The following PHLPP2 variants were observed in gnomAD, a reference collection of about 807,000 sequenced individuals.
PHLPP2 encodes the protein PH domain leucine-rich repeat-containing protein phosphatase 2.
PHLPP2 carries 66 observed loss-of-function variants against 124.9 expected under a neutral mutation model. The observed-to-expected ratio is 0.53, with a 90% confidence interval of 0.43 to 0.65. The LOEUF is 0.65. Among genes scored for constraint, PHLPP2 ranks in the 30% least tolerant of loss-of-function variants. The pLI is 0.00. For missense variants in PHLPP2, 1,685 were observed against 1,600.4 expected (o/e 1.05, Z -0.90); for synonymous variants, 681 against 624.7 (o/e 1.09, Z -1.34).
At chr16:71,694,518 T>A (rs948864295) in intron 3 of PHLPP2, among the ~76,000 whole-genome samples, 28 of 152,176 alleles carry the variant, frequency 1.8e-4, no homozygotes, top group African/African-American at 6.7e-4. Context: ...AATTTTAAAC[T>A]TATGCACAAT....
chr16:71,705,418 T>C (rs2045266400), intron 2 of PHLPP2, among the ~76,000 whole-genome samples: 1 of 152,242 alleles, frequency 6.6e-6, no homozygotes, highest in African/African-American at 2.4e-5. Flanking sequence ...GCATCCTAAT[T>C]CTGACATATT....
Position 71,648,927 on chromosome 16 carries a change from C to T in PHLPP2, c.3935G>A (p.Arg1312Gln), listed in dbSNP as rs61733124. The change falls in exon 19 of 19, where the codon CGG becomes CAG. Residue 1312 changes from arginine (R) to glutamine (Q), a missense_variant. Arg to Gln is a conservative substitution (Grantham distance 43, BLOSUM62 1). Transcript: ENST00000568954. ...RLEPEPHEED[R>Q]TEPPEEFDTA... ...GTCGAACTCCTCCGGGGGCTCGGTCCGATCCTCTTCATGGGGCTCAGGCTC... is the reference window on the plus strand; with the variant it reads ...GTCGAACTCCTCCGGGGGCTCGGTCTGATCCTCTTCATGGGGCTCAGGCTC... The T allele has an allele frequency of 0.082, 132,019 of 1,612,676 alleles. 5,788 individuals are homozygous for T. The highest frequency in any genetic ancestry group is 0.1 in the African/African-American group (7,747 of 74,976).
intron 13 of PHLPP2, among the ~76,000 whole-genome samples, chr16:71,660,096 GA>G (rs909941059): frequency 6.6e-5 from 10 of 150,498 alleles, no homozygotes; most frequent in African/African-American, 2.0e-4. Flanking sequence ...AGACAAACAG[GA>G]AAAAAAATCT....
rs752442905 is a variant in PHLPP2 at position 71,656,728 on chromosome 16, A to G, written c.2280-47T>C. The stretch of plus-strand genomic sequence containing the variant: ...TAAACCATATATTCTTCTGTATTTT[A>G]CAAAAACTATCCCAACAATAGTATT... On this transcript the variant is annotated intron_variant, in intron 15 of 18. Transcript: ENST00000568954. 7 of 1,133,604 alleles carry G rather than the reference A, an allele frequency of 6.2e-6. No homozygotes were observed. In the South Asian group the frequency reaches 7.7e-5, roughly 12 times the overall value. 70.2% of individuals were successfully genotyped at this position (1,133,604 alleles called of 1,614,324 possible). A position where few individuals can be genotyped will look rare whatever the true frequency, so the allele number is the denominator to read the frequency against.
rs769133003 is a variant in PHLPP2 at position 71,667,226 on chromosome 16, T to C, written c.1736A>G (p.His579Arg). ...HIPLEVLDLQ[H>R]NALTRLPDTL... ...GTCTGGCAGCCTCGTGAGTGCATTA[T>C]GCTGAAGATCCAGCACCTCGAGGGG... Residue 579 changes from histidine to arginine, a missense_variant, in exon 12 of 19, where the codon CAT (histidine) becomes CGT (arginine). Transcript: ENST00000568954. The C allele has an allele frequency of 1.2e-5, 20 of 1,613,916 alleles. No homozygotes were observed. The highest frequency in any genetic ancestry group is 1.6e-4 in the Middle Eastern group (1 of 6,084).
Position 71,702,746 on chromosome 16 carries a change from C to A in PHLPP2, c.285-15G>T, listed in dbSNP as rs1438137796. On this transcript the variant is annotated splice_polypyrimidine_tract_variant and intron_variant, in intron 2 of 18. Transcript: ENST00000568954. ...GTTCCAGTCTCCTGATTACACAATT[C>A]AAAAAAATATATATATTTGGTAAGT... The A allele has an allele frequency of 3.3e-6, 5 of 1,533,494 alleles. No homozygotes were observed. The Admixed American group carries it at 5.9e-5, about 18-fold the overall frequency. The allele number at this position is 1,533,494 out of a possible 1,614,324, so 95.0% of individuals were successfully genotyped here.
Position 71,649,214 on chromosome 16 carries a change from G to T in PHLPP2, c.3648C>A (p.Leu1216=). ...RRQNSVNSGM[L]LPMSKDRMEL... is the part of the protein sequence containing the mutation. Reference sequence around the variant, plus strand: ...CCATCCTGTCCTTGCTCATTGGCAGGAGCATGCCACTATTCACACTGTTCT... The same window carrying T: ...CCATCCTGTCCTTGCTCATTGGCAGTAGCATGCCACTATTCACACTGTTCT... Residue 1216 remains leucine, a synonymous_variant, in exon 19 of 19, where the codon CTC becomes CTA. Coordinates refer to ENST00000568954, the MANE Select transcript of PHLPP2 (RefSeq NM_015020.3). 6.2e-7 allele frequency: 1 copy of T among 1,614,084 alleles called. No homozygotes were observed. Among genetic ancestry groups the T allele is most frequent in the South Asian group, 1.1e-5 (1 of 91,080 alleles).
intron 18 of PHLPP2, among the ~76,000 whole-genome samples, chr16:71,651,357 G>T (rs1402020910): frequency 1.3e-4 from 19 of 148,734 alleles, no homozygotes; most frequent in Admixed American, 1.3e-3. Context: ...AAAAAGAAAA[G>T]AAAAATCTAA....
chr16:71,702,514 C>A, intron 3 of PHLPP2, 84 bp downstream of exon 3: 3 of 1,149,606 alleles, frequency 2.6e-6, no homozygotes, highest in Non-Finnish European at 1.2e-6. Context: ...TGATAAAATA[C>A]CTTTAAAAAG....
At chr16:71,701,310 ATC>A (rs2045231214) in intron 3 of PHLPP2, among the ~76,000 whole-genome samples, 2 of 73,734 alleles carry the variant, frequency 2.7e-5, no homozygotes, top group South Asian at 7.3e-4. Context: ...CTATCTATCT[ATC>A]TATATATCTA....
intron 12 of PHLPP2, among the ~76,000 whole-genome samples, chr16:71,664,444 C>G (rs1036481040): frequency 1.3e-5 from 2 of 152,110 alleles, no homozygotes; most frequent in Non-Finnish European, 2.9e-5. Context: ...TGTGAAGACA[C>G]CATTTAGAAA....
chr16:71,664,165 A>T, intron 12 of PHLPP2, 66 bp from the exon 13 acceptor site: 1 of 1,059,424 alleles, frequency 9.4e-7, no homozygotes, highest in Non-Finnish European at 1.5e-6. Flanking sequence ...TATAGAAACC[A>T]TCATGTCACC....
rs942800009 is a variant in PHLPP2 at position 71,648,053 on chromosome 16, G to T, written c.*837C>A. 2.0e-5 allele frequency: 3 copies of T among 152,596 alleles called. No individual in the cohort carries two copies. The highest frequency in any genetic ancestry group is 4.8e-5 in the African/African-American group (2 of 41,426). 9.5% of individuals were successfully genotyped at this position (152,596 alleles called of 1,614,324 possible). On this transcript the variant is annotated 3_prime_UTR_variant, in exon 19 of 19. Coordinates refer to ENST00000568954, the MANE Select transcript of PHLPP2 (RefSeq NM_015020.3). The stretch of plus-strand genomic sequence containing the variant: ...ACATACATAAATTATCTGTTTGATT[G>T]GTTCTACATTTCCAACAGACATCAT...
chr16:71,675,299 C>G (rs1011384790), intron 9 of PHLPP2, among the ~76,000 whole-genome samples: 6 of 152,156 alleles, frequency 3.9e-5, no homozygotes, highest in African/African-American at 1.2e-4. Flanking sequence ...ATTTTTCTGA[C>G]AGTAAAATTT....
chr16:71,658,162 T>C, intron 15 of PHLPP2, 71 bp downstream of exon 15: 1 of 1,330,066 alleles, frequency 7.5e-7, no homozygotes, highest in Non-Finnish European at 1.1e-6. Flanking sequence ...ATCTCCACAG[T>C]ACTAAGGAAG....
intron 12 of PHLPP2, among the ~76,000 whole-genome samples, chr16:71,666,897 A>G (rs894478535): frequency 6.6e-6 from 1 of 152,206 alleles, no homozygotes; most frequent in Non-Finnish European, 1.5e-5. Flanking sequence ...AACTATATTC[A>G]TTTTCAGAGA....
At chr16:71,719,067 G>A (rs995425926) in intron 1 of PHLPP2, among the ~76,000 whole-genome samples, 3 of 152,150 alleles carry the variant, frequency 2.0e-5, no homozygotes, top group Admixed American at 6.5e-5. Flanking sequence ...AGATGACACG[G>A]TCCTCTGAGG....
At chr16:71,653,099 CTTTTTT>C (rs11298836) in intron 17 of PHLPP2, 78 bp from the exon 18 acceptor site, 437 of 546,360 alleles carry the variant, frequency 8.0e-4, no homozygotes, top group Middle Eastern at 1.3e-3. Flanking sequence ...TACATCCCTT[CTTTTTT>C]TTTTTTTTTT....
chr16:71,718,770 C>T (rs2045379912), intron 1 of PHLPP2, among the ~76,000 whole-genome samples: 1 of 152,032 alleles, frequency 6.6e-6, no homozygotes, highest in African/African-American at 2.4e-5. Context: ...TCATCATTTA[C>T]CTCAAAGGAT....
Sources: gnomAD v4.1 joint callset for allele counts (sites outside exome capture counted in the v4.1 genomes callset) on GRCh38, gnomAD v4.1.1 for gene constraint, MANE v1.5 for transcripts, NCBI Gene and HGNC (gene_info 2026-07-23, HGNC 2026-07-21) for gene names.